Variants in GRM1 observed in about 807,000 individuals in gnomAD.
GRM1 encodes metabotropic glutamate receptor 1.
A neutral mutation model predicts 90.9 loss-of-function variants in GRM1; 33 were observed. The ratio of observed to expected loss-of-function variants is 0.36; its 90% CI spans 0.28 to 0.49. The LOEUF is 0.49. GRM1 is among the 20% of genes least tolerant of loss of function. The probability of loss-of-function intolerance (pLI) is 0.99; values close to 1 mark genes in which losing one functional copy is unlikely to be tolerated. For missense variants in GRM1, 1,190 were observed against 1,534.3 expected, an observed-to-expected ratio of 0.78 and a Z score of 3.75; for synonymous variants, 700 against 613.2, an observed-to-expected ratio of 1.14 and a Z score of -2.09.
chr6:146,194,060 T>C (rs1779026454), intron 2 of GRM1, among the ~76,000 whole-genome samples: 1 of 152,170 alleles, frequency 6.6e-6, no homozygotes, highest in East Asian at 1.9e-4. Flanking sequence ...CCCCTTTTTC[T>C]TGATATTTTT....
intron 6 of GRM1, among the ~76,000 whole-genome samples, chr6:146,395,597 A>G (rs888420640): frequency 3.9e-5 from 6 of 152,182 alleles, no homozygotes; most frequent in African/African-American, 1.4e-4. Context: ...AGTATGGACA[A>G]TAAGTATCTA....
Position 146,131,861 on chromosome 6 carries a change from G to A in GRM1, c.701-27487G>A, listed in dbSNP as rs149935223. On this transcript the variant is annotated intron_variant, in intron 1 of 7. Transcript: ENST00000282753. Reference sequence around the variant, plus strand: ...CATAAGTGCTGTAAAGAGAATAAACGGAGTGTGGTGAAGAAGCCAAGATAG... The same window carrying A: ...CATAAGTGCTGTAAAGAGAATAAACAGAGTGTGGTGAAGAAGCCAAGATAG... Among the ~76,000 whole-genome samples, 3 of 152,240 alleles carry A rather than the reference G, an allele frequency of 2.0e-5. No individual in the cohort carries two copies. In the East Asian group the frequency reaches 5.8e-4, roughly 29 times the overall value.
At chr6:146,404,661 G>A (rs1324857073) in intron 7 of GRM1, among the ~76,000 whole-genome samples, 2 of 152,210 alleles carry the variant, frequency 1.3e-5, no homozygotes, top group African/African-American at 2.4e-5. Context: ...ATGCCACGAT[G>A]TAGAGTTTGT....
chr6:146,225,174 A>C (rs1300387842), intron 2 of GRM1, among the ~76,000 whole-genome samples: 1 of 152,082 alleles, frequency 6.6e-6, no homozygotes, highest in Non-Finnish European at 1.5e-5. Flanking sequence ...AGTGGCTTTG[A>C]GTCATCATGT....
intron 1 of GRM1, among the ~76,000 whole-genome samples, chr6:146,112,305 T>C (rs1775589807): frequency 6.6e-6 from 1 of 151,556 alleles, no homozygotes; most frequent in Non-Finnish European, 1.5e-5. Flanking sequence ...ACAACACAAG[T>C]ATAAGGAATG....
At chr6:146,164,959 A>G (rs367934204) in intron 2 of GRM1, among the ~76,000 whole-genome samples, 8 of 151,382 alleles carry the variant, frequency 5.3e-5, no homozygotes, top group Non-Finnish European at 8.8e-5. Context: ...TTGCATTTCA[A>G]TTGCTTGTCC....
intron 1 of GRM1, among the ~76,000 whole-genome samples, chr6:146,154,782 A>C (rs1379083590): frequency 6.6e-6 from 1 of 152,184 alleles, no homozygotes; most frequent in Non-Finnish European, 1.5e-5. Flanking sequence ...AATTTTGAAA[A>C]CTACTGCCAA....
intron 3 of GRM1, among the ~76,000 whole-genome samples, chr6:146,347,315 T>C (rs1785220260): frequency 6.6e-6 from 1 of 152,196 alleles, no homozygotes; most frequent in Admixed American, 6.5e-5. Context: ...GAATTCCTCA[T>C]CTGTCCTTGC....
intron 7 of GRM1, among the ~76,000 whole-genome samples, chr6:146,426,194 G>A (rs4896868): frequency 0.11 from 15,725 of 137,558 alleles, 2,584 homozygotes; most frequent in African/African-American, 0.38. Flanking sequence ...ACTTCCTTTA[G>A]GAGTAGAGGG....
chr6:146,075,348 T>G (rs1266965206), intron 1 of GRM1, among the ~76,000 whole-genome samples: 1 of 152,210 alleles, frequency 6.6e-6, no homozygotes, highest in African/African-American at 2.4e-5. Flanking sequence ...GTGCTAGCTC[T>G]GACAGTTCAT....
chr6:146,336,996 G>T (rs1358806546), intron 3 of GRM1, among the ~76,000 whole-genome samples: 1 of 152,166 alleles, frequency 6.6e-6, no homozygotes, highest in Non-Finnish European at 1.5e-5. Flanking sequence ...GTCCCAACCT[G>T]GTTTTTCGCT....
intron 3 of GRM1, among the ~76,000 whole-genome samples, chr6:146,320,772 T>C (rs962504435): frequency 6.6e-6 from 1 of 152,202 alleles, no homozygotes; most frequent in Non-Finnish European, 1.5e-5. Context: ...GTTTATTCTA[T>C]TCTCTGATAG....
chr6:146,206,319 G>GTTCCTTACTTCTAT (rs1554280839), intron 2 of GRM1, among the ~76,000 whole-genome samples: 2 of 152,154 alleles, frequency 1.3e-5, no homozygotes, highest in African/African-American at 2.4e-5. Context: ...CCCACTTCTA[G>GTTCCTTACTTCTAT]TTCCTTACTT....
rs3840131 is a variant in GRM1 at position 146,350,468 on chromosome 6, G to GT, written c.1187-1771dup. On this transcript the variant is annotated intron_variant, in intron 3 of 7. Transcript: ENST00000282753. The stretch of plus-strand genomic sequence containing the variant: ...GGTTATTTTGCCACTCAATTTTTGT[G>GT]TTTTTTTTTTTCTTTAACTCTTGGT... 3.8e-4 allele frequency among the ~76,000 whole-genome samples: 56 copies of GT among 148,560 alleles called. 2 individuals are homozygous for GT. The South Asian group carries it at 4.0e-3, about 11-fold the overall frequency.
intron 3 of GRM1, among the ~76,000 whole-genome samples, chr6:146,326,269 A>T (rs777479608): frequency 6.6e-5 from 10 of 152,236 alleles, no homozygotes; most frequent in Non-Finnish European, 1.0e-4. Context: ...ATAAAAAAGA[A>T]TGAGGTTATG....
At chr6:146,298,673 G>T (rs928709328) in intron 2 of GRM1, among the ~76,000 whole-genome samples, 10 of 152,172 alleles carry the variant, frequency 6.6e-5, no homozygotes, top group Non-Finnish European at 1.5e-4. Flanking sequence ...AGGTGTTTCT[G>T]AGCTCCTAAT....
At chr6:146,388,302 C>T (rs985981261) in intron 6 of GRM1, among the ~76,000 whole-genome samples, 1 of 151,880 alleles carries the variant, frequency 6.6e-6, no homozygotes, top group African/African-American at 2.4e-5. Flanking sequence ...GAACCTAGTC[C>T]ACTAACCCCT....
chr6:146,230,943 A>G (rs2114703219), intron 2 of GRM1, among the ~76,000 whole-genome samples: 1 of 152,300 alleles, frequency 6.6e-6, no homozygotes. Flanking sequence ...ATTATTTGAC[A>G]TTCTGGAAAA....
intron 1 of GRM1, among the ~76,000 whole-genome samples, chr6:146,112,252 A>G (rs1041980328): frequency 6.6e-6 from 1 of 152,032 alleles, no homozygotes; most frequent in African/African-American, 2.4e-5. Flanking sequence ...ACCATTCTGG[A>G]ATAACATTCA....
Sources: gnomAD v4.1 joint callset for allele counts (sites outside exome capture counted in the v4.1 genomes callset) on GRCh38, gnomAD v4.1.1 for gene constraint, MANE v1.5 for transcripts, NCBI Gene and HGNC (gene_info 2026-07-23, HGNC 2026-07-21) for gene names.